Variants in ADAMTS18 observed in about 807,000 individuals in gnomAD.
The protein encoded by ADAMTS18 is ADAM metallopeptidase with thrombospondin type 1 motif 18, also known as A disintegrin and metalloproteinase with thrombospondin motifs 18.
Under a neutral mutation model 165.9 loss-of-function variants are expected in ADAMTS18, and 157 were observed. The ratio of observed to expected loss-of-function variants is 0.95; its 90% CI spans 0.83 to 1.08. The LOEUF (loss-of-function observed/expected upper bound fraction) is 1.08, where lower values mean the gene tolerates loss of function less well. Among genes scored for constraint, ADAMTS18 ranks in the 50% least tolerant of loss-of-function variants. The pLI, the probability that ADAMTS18 is intolerant of heterozygous loss-of-function variation, is 0.00. For synonymous variants in ADAMTS18, 782 were observed against 578.2 expected, an observed-to-expected ratio of 1.35 and a Z score of -5.06; for missense variants, 2,040 against 1,534.0, an observed-to-expected ratio of 1.33 and a Z score of -5.51.
intron 16 of ADAMTS18, among the ~76,000 whole-genome samples, chr16:77,300,981 T>C (rs1005018017): frequency 6.6e-6 from 1 of 152,208 alleles, no homozygotes; most frequent in Admixed American, 6.5e-5. Context: ...GTGTTTCCAA[T>C]ATACTTTCCA....
intron 21 of ADAMTS18, 27 bp downstream of exon 21, chr16:77,291,239 A>T (rs1326113557): frequency 6.2e-7 from 1 of 1,611,764 alleles, no homozygotes; most frequent in East Asian, 2.2e-5. Context: ...ACTTGAATAG[A>T]CACCTCCTCA....
intron 3 of ADAMTS18, among the ~76,000 whole-genome samples, chr16:77,421,012 C>G (rs2057595378): frequency 6.6e-6 from 1 of 152,198 alleles, no homozygotes; most frequent in South Asian, 2.1e-4. Context: ...ATCTCAATCC[C>G]TTTCAAGTGC....
intron 3 of ADAMTS18, among the ~76,000 whole-genome samples, chr16:77,368,703 TTCTGGCCCA>T (rs1206277264): frequency 6.6e-6 from 1 of 152,098 alleles, no homozygotes; most frequent in African/African-American, 2.4e-5. Context: ...GAGCCACCAG[TTCTGGCCCA>T]TCTTGATTCA....
chr16:77,422,846 T>C (rs988836465), intron 3 of ADAMTS18, among the ~76,000 whole-genome samples: 1 of 152,194 alleles, frequency 6.6e-6, no homozygotes, highest in Non-Finnish European at 1.5e-5. Context: ...TTAGAATACC[T>C]ACCAGGTAAT....
At chr16:77,335,511 GA>G (rs1204088820) in intron 12 of ADAMTS18, among the ~76,000 whole-genome samples, 3 of 151,778 alleles carry the variant, frequency 2.0e-5, no homozygotes, top group Non-Finnish European at 4.4e-5. Flanking sequence ...AATGACATTG[GA>G]ATTTTTTTAA....
At chr16:77,290,088 C>A (rs1363760890) in intron 21 of ADAMTS18, among the ~76,000 whole-genome samples, 2 of 152,124 alleles carry the variant, frequency 1.3e-5, no homozygotes, top group African/African-American at 4.8e-5. Context: ...ATTAATTTTT[C>A]TTAAATGTAC....
intron 13 of ADAMTS18, 89 bp downstream of exon 13, chr16:77,325,777 T>C (rs1166476363): frequency 1.1e-5 from 15 of 1,368,678 alleles, no homozygotes; most frequent in Non-Finnish European, 1.5e-5. Context: ...ATTCAAACTC[T>C]TTGATACAAG....
intron 17 of ADAMTS18, 49 bp from the exon 18 acceptor site, chr16:77,297,464 C>A (rs752772232): frequency 3.2e-6 from 5 of 1,557,602 alleles, no homozygotes; most frequent in Non-Finnish European, 4.4e-6. Flanking sequence ...ATTATTATTT[C>A]AATTTGGTTC....
chr16:77,369,298 C>G (rs953315098), intron 3 of ADAMTS18, among the ~76,000 whole-genome samples: 4 of 152,080 alleles, frequency 2.6e-5, no homozygotes, highest in Non-Finnish European at 5.9e-5. Flanking sequence ...CTTTTTGTTT[C>G]ATGAACTTTT....
intron 16 of ADAMTS18, among the ~76,000 whole-genome samples, chr16:77,306,312 CAG>C (rs2055680826): frequency 6.6e-6 from 1 of 152,140 alleles, no homozygotes; most frequent in Admixed American, 6.5e-5. Flanking sequence ...CCGCAGGGTG[CAG>C]AGTTATAAAA....
At chr16:77,301,713 C>A (rs1219643031) in intron 16 of ADAMTS18, among the ~76,000 whole-genome samples, 3 of 152,194 alleles carry the variant, frequency 2.0e-5, no homozygotes, top group Admixed American at 6.5e-5. Flanking sequence ...TACAAAATGA[C>A]TTCTATTTTG....
intron 3 of ADAMTS18, among the ~76,000 whole-genome samples, chr16:77,416,378 C>T (rs1468589770): frequency 1.3e-5 from 2 of 152,118 alleles, no homozygotes; most frequent in Non-Finnish European, 2.9e-5. Flanking sequence ...TGGGCTATGT[C>T]CCTACCCAAA....
At chr16:77,287,056 G>T (rs1042776728) in intron 22 of ADAMTS18, among the ~76,000 whole-genome samples, 6 of 152,084 alleles carry the variant, frequency 3.9e-5, no homozygotes, top group Non-Finnish European at 8.8e-5. Context: ...ATGACAGGAG[G>T]ATGCAGCCAT....
At chr16:77,408,049 C>T (rs2057415220) in intron 3 of ADAMTS18, among the ~76,000 whole-genome samples, 1 of 151,736 alleles carries the variant, frequency 6.6e-6, no homozygotes, top group African/African-American at 2.4e-5. Flanking sequence ...AGAAAAATGG[C>T]AAAAAACTTA....
At chr16:77,340,831 G>C (rs190778723) in intron 11 of ADAMTS18, among the ~76,000 whole-genome samples, 2 of 152,208 alleles carry the variant, frequency 1.3e-5, no homozygotes, top group East Asian at 3.9e-4. Context: ...GCCTCCCAAA[G>C]TGTTGGGATT....
intron 8 of ADAMTS18, among the ~76,000 whole-genome samples, chr16:77,358,487 G>A (rs751896522): frequency 1.7e-3 from 253 of 152,228 alleles, no homozygotes; most frequent in Non-Finnish European, 1.6e-3. Flanking sequence ...ACTTGAACCC[G>A]GGAGGCGGAG....
At chr16:77,363,730 C>A (rs2056749877) in intron 6 of ADAMTS18, 72 bp downstream of exon 6, 9 of 1,408,322 alleles carry the variant, frequency 6.4e-6, no homozygotes, top group Non-Finnish European at 6.0e-6. Flanking sequence ...GATTAGTGAA[C>A]ACAGTAGGTG....
intron 16 of ADAMTS18, among the ~76,000 whole-genome samples, chr16:77,319,287 T>G (rs2055944361): frequency 6.6e-6 from 1 of 152,194 alleles, no homozygotes; most frequent in Admixed American, 6.5e-5. Flanking sequence ...TCTTTGGCGT[T>G]CTTGAAACCC....
chr16:77,406,865 T>G (rs1425995426), intron 3 of ADAMTS18, among the ~76,000 whole-genome samples: 4 of 152,058 alleles, frequency 2.6e-5, no homozygotes, highest in Non-Finnish European at 5.9e-5. Context: ...ATACTGCATG[T>G]TCTCACAAGG....
Sources: gnomAD v4.1 joint callset for allele counts (sites outside exome capture counted in the v4.1 genomes callset) on GRCh38, gnomAD v4.1.1 for gene constraint, MANE v1.5 for transcripts, NCBI Gene and HGNC (gene_info 2026-07-23, HGNC 2026-07-21) for gene names.